Variants in PDE8B observed in about 807,000 individuals in gnomAD.
The protein encoded by PDE8B is phosphodiesterase 8B.
In PDE8B, 26 loss-of-function variants were observed where a neutral mutation model predicts 101.3. The ratio of observed to expected loss-of-function variants is 0.26; its 90% confidence interval spans 0.19 to 0.36. The LOEUF (loss-of-function observed/expected upper bound fraction) is 0.36. Among genes scored for constraint, PDE8B ranks in the 10% least tolerant of loss-of-function variants. The probability of loss-of-function intolerance (pLI) is 1.00; values close to 1 mark genes in which losing one functional copy is unlikely to be tolerated. For synonymous variants in PDE8B, 424 were observed against 429.3 expected (o/e 0.99, Z 0.15); for missense variants, 810 against 1,163.1 (o/e 0.70, Z 4.42).
At chr5:77,407,486 C>T in intron 13 of PDE8B, 29 bp downstream of exon 13, 2 of 1,517,962 alleles carry the variant, frequency 1.3e-6, no homozygotes, top group Non-Finnish European at 9.1e-7. Context: ...CTGCACTCTG[C>T]AGTCAGGGGC....
chr5:77,214,390 C>T (rs1427501432), intron 1 of PDE8B, among the ~76,000 whole-genome samples: 1 of 152,206 alleles, frequency 6.6e-6, no homozygotes, highest in Non-Finnish European at 1.5e-5. Flanking sequence ...GTTTTCCCTC[C>T]ATTCATACAG....
chr5:77,177,696 T>G, the PDE8B span, among the ~76,000 whole-genome samples: 2 of 152,240 alleles, frequency 1.3e-5, no homozygotes, highest in Non-Finnish European at 2.9e-5. Context: ...AGCACTGGAA[T>G]ACCACAACAG....
rs59393259 is a variant in PDE8B at position 77,386,865 on chromosome 5, C to CTTTTTTT, written c.1168-13360_1168-13354dup. ...TTTTGCCTGTTAGTTGATGTAGTTT[C>CTTTTTTT]TTTTTTTTTTTTTTTTTTTTTTTTT... is the stretch of plus-strand genomic sequence containing the variant. On this transcript the variant is annotated intron_variant, in intron 10 of 21. Transcript: ENST00000264917. Among the ~76,000 whole-genome samples the CTTTTTTT allele has an allele frequency of 1.5e-3, 76 of 51,084 alleles. 15 individuals carry two copies. The highest frequency in any genetic ancestry group is 6.6e-3 in the African/African-American group (71 of 10,758). The allele number at this position is 51,084 out of a possible 152,430, so 33.5% of individuals were successfully genotyped here.
the PDE8B span, chr5:77,148,285 A>G: frequency 1.3e-5 from 2 of 152,194 alleles, no homozygotes; most frequent in African/African-American, 4.8e-5. Context: ...TCATCAGTTA[A>G]TGGAAATTTG....
intron 1 of PDE8B, among the ~76,000 whole-genome samples, chr5:77,286,919 T>A (rs1276423471): frequency 6.6e-6 from 1 of 152,204 alleles, no homozygotes; most frequent in African/African-American, 2.4e-5. Flanking sequence ...TCTCTACCCT[T>A]CTTTAACACA....
At chr5:77,254,625 G>A (rs1037229419) in intron 1 of PDE8B, among the ~76,000 whole-genome samples, 25 of 151,594 alleles carry the variant, frequency 1.6e-4, no homozygotes, top group African/African-American at 5.8e-4. Context: ...ATCAAGTTTC[G>A]ATTTTGTGAA....
In PDE8B at chr5:77,338,616, C is replaced by G. The variant is rs190495904; in HGVS notation, c.797+1301C>G. 1.7e-3 allele frequency among the ~76,000 whole-genome samples: 261 copies of G among 152,104 alleles called. 1 individual carries two copies. The highest frequency in any genetic ancestry group is 6.0e-3 in the African/African-American group (248 of 41,490). ...AACTTCACAGAATTTTTCTAGAAAC[C>G]CATGTTGCCTGTACTTCTGTAATTT... On this transcript the variant is annotated intron_variant, in intron 6 of 21. Coordinates refer to ENST00000264917, the MANE Select transcript of PDE8B (RefSeq NM_003719.5).
chr5:77,107,644 G>C, the PDE8B span, among the ~76,000 whole-genome samples: 4 of 152,092 alleles, frequency 2.6e-5, no homozygotes, highest in South Asian at 2.1e-4. Flanking sequence ...AAGTATGATA[G>C]TTAGCTATAG....
the PDE8B span, among the ~76,000 whole-genome samples, chr5:77,121,758 G>A: frequency 2.0e-5 from 3 of 152,058 alleles, no homozygotes; most frequent in East Asian, 1.9e-4. Context: ...CACCCGCCTC[G>A]GCCTCCCAGA....
chr5:77,178,506 G>C, the PDE8B span, among the ~76,000 whole-genome samples: 3 of 152,180 alleles, frequency 2.0e-5, no homozygotes, highest in Non-Finnish European at 4.4e-5. Context: ...GTGAAATAAT[G>C]ATAGATCATG....
the PDE8B span, among the ~76,000 whole-genome samples, chr5:77,180,153 C>G: frequency 2.0e-5 from 3 of 152,092 alleles, no homozygotes; most frequent in African/African-American, 7.2e-5. Context: ...GGACTTCCCT[C>G]GAGGGGCCAG....
At chr5:77,140,214 GTA>G in the PDE8B span, 1 of 152,140 alleles carries the variant, frequency 6.6e-6, no homozygotes, top group Non-Finnish European at 1.5e-5. Flanking sequence ...AAGTTTTTCT[GTA>G]TGACCTTTTT....
At chr5:77,425,159 G>A (rs1393249397) in intron 20 of PDE8B, among the ~76,000 whole-genome samples, 1 of 152,212 alleles carries the variant, frequency 6.6e-6, no homozygotes, top group Admixed American at 6.5e-5. Context: ...ATTTGTGTTT[G>A]TATGACATTG....
At chr5:77,303,327 C>T (rs2150053043) in intron 1 of PDE8B, among the ~76,000 whole-genome samples, 1 of 152,210 alleles carries the variant, frequency 6.6e-6, no homozygotes, top group East Asian at 1.9e-4. Context: ...ATTGCCTGAG[C>T]TCAGGAATTC....
the PDE8B span, among the ~76,000 whole-genome samples, chr5:77,117,506 G>A: frequency 6.6e-6 from 1 of 152,168 alleles, no homozygotes; most frequent in Admixed American, 6.5e-5. Flanking sequence ...TTGCCTGATA[G>A]TATGGTTCCT....
At chr5:77,397,026 ATTTTTTT>A (rs71606290) in intron 10 of PDE8B, among the ~76,000 whole-genome samples, 7 of 84,418 alleles carry the variant, frequency 8.3e-5, no homozygotes, top group African/African-American at 2.2e-4. Context: ...CCGATAAGAA[ATTTTTTT>A]TTTTTTTTTT....
At chr5:77,341,038 C>T (rs1252168325) in intron 6 of PDE8B, among the ~76,000 whole-genome samples, 1 of 151,932 alleles carries the variant, frequency 6.6e-6, no homozygotes, top group African/African-American at 2.4e-5. Flanking sequence ...ATAAAGATAC[C>T]TGAGACAAAA....
chr5:77,219,790 G>T lies in PDE8B; in HGVS notation c.339+8526G>T, dbSNP rs376698314. On this transcript the variant is annotated intron_variant, in intron 1 of 21. Transcript: ENST00000264917. Reference sequence around the variant, plus strand: ...AAAGCCACCAATAGTGTTTGGAGCTGAGCCTTAGTTGGAACTAGAAGTCTC... The same window carrying T: ...AAAGCCACCAATAGTGTTTGGAGCTTAGCCTTAGTTGGAACTAGAAGTCTC... Among the ~76,000 whole-genome samples the T allele has an allele frequency of 2.4e-4, 37 of 152,328 alleles. No homozygotes were observed. In the East Asian group the frequency reaches 6.9e-3, roughly 29 times the overall value.
the PDE8B span, among the ~76,000 whole-genome samples, chr5:77,173,648 C>T: frequency 6.6e-6 from 1 of 151,886 alleles, no homozygotes. Context: ...GTGAAGCCTA[C>T]TAGAGTTGTG....
Sources: gnomAD v4.1 joint callset for allele counts (sites outside exome capture counted in the v4.1 genomes callset) on GRCh38, gnomAD v4.1.1 for gene constraint, MANE v1.5 for transcripts, NCBI Gene and HGNC (gene_info 2026-07-23, HGNC 2026-07-21) for gene names.